PLSCR5: variants seen among roughly 807,000 people sequenced by gnomAD.
The protein encoded by PLSCR5 is phospholipid scramblase family member 5.
Under a neutral mutation model 33.6 loss-of-function variants are expected in PLSCR5, and 44 were observed. The ratio of observed to expected loss-of-function variants is 1.31; its 90% CI spans 1.03 to 1.69. The LOEUF is 1.69. PLSCR5 is among the 40% of genes most tolerant of loss of function. The probability of loss-of-function intolerance (pLI) is 0.00; values close to 1 mark genes in which losing one functional copy is unlikely to be tolerated. For synonymous variants in PLSCR5, 148 were observed against 112.3 expected, an observed-to-expected ratio of 1.32 and a Z score of -2.01; for missense variants, 375 against 318.7, an observed-to-expected ratio of 1.18 and a Z score of -1.34.
At chr3:146,603,903 C>T in intron 1 of PLSCR5, among the ~76,000 whole-genome samples, 1 of 152,046 alleles carries the variant, frequency 6.6e-6, no homozygotes, top group East Asian at 1.9e-4. Context: ...TGCTATTTCA[C>T]ATCTATGTTT....
intron 6 of PLSCR5, among the ~76,000 whole-genome samples, chr3:146,587,599 A>G (rs1049773447): frequency 1.3e-5 from 2 of 152,014 alleles, no homozygotes; most frequent in African/African-American, 4.8e-5. Context: ...TAAGCAAAGG[A>G]AGGGTGACAA....
At chr3:146,586,296 G>C (rs1256654689) in intron 6 of PLSCR5, among the ~76,000 whole-genome samples, 184 bp from the exon 7 acceptor site, 1 of 152,070 alleles carries the variant, frequency 6.6e-6, no homozygotes, top group East Asian at 1.9e-4. Flanking sequence ...TTTTCATGTT[G>C]AATTTTCAGA....
chr3:146,603,689 A>T (rs981217971), intron 1 of PLSCR5, among the ~76,000 whole-genome samples: 1 of 152,136 alleles, frequency 6.6e-6, no homozygotes, highest in Middle Eastern at 3.2e-3. Flanking sequence ...AAAAATGTAT[A>T]ACTAGCTTAT....
chr3:146,581,150 T>A (rs1375330381), downstream of PLSCR5, among the ~76,000 whole-genome samples: 3 of 152,162 alleles, frequency 2.0e-5, no homozygotes, highest in East Asian at 5.8e-4. Flanking sequence ...GTGAACATAT[T>A]TACATAGCTA....
downstream of PLSCR5, among the ~76,000 whole-genome samples, chr3:146,584,999 C>T (rs10513292): frequency 0.076 from 11,630 of 152,054 alleles, 499 homozygotes; most frequent in East Asian, 0.16. Context: ...TTCATGGTAC[C>T]TTGCTTAAAA....
intron 1 of PLSCR5, among the ~76,000 whole-genome samples, chr3:146,602,749 T>G (rs189694388): frequency 1.8e-4 from 27 of 152,258 alleles, no homozygotes; most frequent in Admixed American, 1.8e-3. Flanking sequence ...AAATTATGTT[T>G]GCTGTAACAA....
chr3:146,598,851 G>A (rs1010632976), intron 2 of PLSCR5, among the ~76,000 whole-genome samples: 8 of 152,206 alleles, frequency 5.3e-5, no homozygotes, highest in Non-Finnish European at 1.5e-5. Flanking sequence ...AGTCTCTAAA[G>A]TACATTTGTC....
chr3:146,580,627 T>C (rs1048884015), intron 7 of PLSCR5, among the ~76,000 whole-genome samples: 1 of 151,790 alleles, frequency 6.6e-6, no homozygotes. Flanking sequence ...CCATGCCCAG[T>C]TAATTTTTTG....
At chr3:146,596,837 T>G (rs2044765487) in intron 2 of PLSCR5, among the ~76,000 whole-genome samples, 1 of 152,144 alleles carries the variant, frequency 6.6e-6, no homozygotes, top group Non-Finnish European at 1.5e-5. Context: ...TGTGGCCTCT[T>G]TTTTAAGATT....
In PLSCR5 at chr3:146,589,801, T is replaced by A; in HGVS notation, c.629A>T (p.Asn210Ile). The change falls in exon 6 of 8, where the codon AAT (asparagine) becomes ATT (isoleucine). Residue 210 changes from asparagine to isoleucine, a missense_variant. Transcript: ENST00000443512. The stretch of plus-strand genomic sequence containing the variant: ...AATCTTCCCAATTGTAAGCTTTTCA[T>A]TAATGGTTTTCACCTTTAGAAAGAA... ...GDVDFEVKTI[N>I]EKLTIGKISK... 2 of 1,544,844 alleles carry A rather than the reference T, an allele frequency of 1.3e-6. No homozygotes were observed. The highest frequency in any genetic ancestry group is 1.8e-6 in the Non-Finnish European group (2 of 1,132,178).
At position 146,589,679 on chromosome 3, in the gene PLSCR5, C is replaced by T; in HGVS notation, c.751G>A (p.Ala251Thr). Residue 251 changes from alanine (A) to threonine (T), a missense_variant, in exon 6 of 8, where the codon GCA (alanine) becomes ACA (threonine). Transcript: ENST00000443512. ...AAGAGAAAACAGGCACCGATCATTG[C>T]TGCTTTGACTGTTACATCTAGATCT... ...PADLDVTVKA[A>T]MIGACFLFDF... The T allele has an allele frequency of 1.9e-6, 3 of 1,598,068 alleles. No homozygotes were observed. Among genetic ancestry groups the T allele is most frequent in the Non-Finnish European group, 2.6e-6 (3 of 1,169,320 alleles).
At chr3:146,589,235 G>A (rs190075230) in intron 6 of PLSCR5, among the ~76,000 whole-genome samples, 10 of 152,200 alleles carry the variant, frequency 6.6e-5, no homozygotes, top group East Asian at 3.9e-4. Flanking sequence ...CACTGAGAAG[G>A]CAACATTCTT....
downstream of PLSCR5, among the ~76,000 whole-genome samples, chr3:146,581,674 T>A (rs145701492): frequency 1.1e-3 from 173 of 152,352 alleles, no homozygotes; most frequent in African/African-American, 3.9e-3. Flanking sequence ...TTGCTAGTAG[T>A]AGATTTTAAG....
At chr3:146,578,744 T>C (rs1315032386) in intron 7 of PLSCR5, among the ~76,000 whole-genome samples, 1 of 152,162 alleles carries the variant, frequency 6.6e-6, no homozygotes, top group Admixed American at 6.5e-5. Flanking sequence ...CAAATAGTCT[T>C]ATCGTGTTTT....
downstream of PLSCR5, among the ~76,000 whole-genome samples, chr3:146,584,821 T>C (rs1458968247): frequency 6.6e-6 from 1 of 152,146 alleles, no homozygotes; most frequent in African/African-American, 2.4e-5. Context: ...TAGGAAATGA[T>C]CATCTCCTAA....
At chr3:146,594,497 T>C (rs2044742295) in intron 3 of PLSCR5, among the ~76,000 whole-genome samples, 1 of 152,102 alleles carries the variant, frequency 6.6e-6, no homozygotes. Flanking sequence ...ATGGTGATAA[T>C]AGTGATTTTG....
downstream of PLSCR5, among the ~76,000 whole-genome samples, chr3:146,583,411 C>T (rs1438269071): frequency 2.0e-5 from 3 of 151,732 alleles, no homozygotes; most frequent in Non-Finnish European, 4.4e-5. Flanking sequence ...AGAGTTGGAG[C>T]CTGTATTCTG....
chr3:146,585,208 T>C (rs1174882996), downstream of PLSCR5, among the ~76,000 whole-genome samples: 1 of 152,096 alleles, frequency 6.6e-6, no homozygotes, highest in Admixed American at 6.5e-5. Flanking sequence ...TGGATTAAGA[T>C]TTTATTTATT....
chr3:146,602,025 T>C (rs1474831599), intron 1 of PLSCR5, among the ~76,000 whole-genome samples: 3 of 152,128 alleles, frequency 2.0e-5, no homozygotes, highest in African/African-American at 7.2e-5. Flanking sequence ...ATTTAGAATG[T>C]AGACATGCTT....
Sources: allele counts gnomAD v4.1 joint callset (sites outside exome capture counted in the v4.1 genomes callset), GRCh38; gene constraint gnomAD v4.1.1; transcripts MANE v1.5; gene names NCBI Gene and HGNC (gene_info 2026-07-23, HGNC 2026-07-21).